Variants in CCDC171 observed in about 807,000 individuals in gnomAD.
CCDC171 encodes the protein coiled-coil domain-containing protein 171.
In CCDC171, 177 loss-of-function variants were observed where a neutral mutation model predicts 168.2. The ratio of observed to expected loss-of-function variants is 1.05; its 90% CI spans 0.93 to 1.19. The LOEUF is 1.19. CCDC171 is among the 50% of genes most tolerant of loss of function. CCDC171 has a pLI of 0.00. For missense variants in CCDC171, 1,991 were observed against 1,539.0 expected (o/e 1.29, Z -4.91); for synonymous variants, 687 against 540.8 (o/e 1.27, Z -3.75).
chr9:16,055,042 C>G (rs1266124864), intron 1 of CCDC171, among the ~76,000 whole-genome samples: 1 of 152,074 alleles, frequency 6.6e-6, no homozygotes, highest in Non-Finnish European at 1.5e-5. Context: ...GGCTGTCGGG[C>G]TGGTGGAGGT....
chr9:15,574,561 A>C (rs569328884), intron 3 of CCDC171, among the ~76,000 whole-genome samples: 1 of 152,148 alleles, frequency 6.6e-6, no homozygotes, highest in African/African-American at 2.4e-5. Flanking sequence ...TTACAGGTGT[A>C]AGCCATTGAG....
intron 25 of CCDC171, among the ~76,000 whole-genome samples, chr9:15,937,747 CT>C (rs1320910000): frequency 2.0e-5 from 3 of 151,900 alleles, no homozygotes; most frequent in African/African-American, 7.2e-5. Context: ...TAAATGATTT[CT>C]TTAAAAGGAA....
rs1196438036 is a variant in CCDC171, at chr9:15,874,572, G to A, written c.3509G>A (p.Arg1170Lys). 1 of 1,608,172 alleles carries A rather than the reference G, an allele frequency of 6.2e-7. No homozygotes were observed. Among genetic ancestry groups the A allele is most frequent in the Admixed American group, 1.7e-5 (1 of 59,248 alleles). Residue 1170 changes from arginine to lysine, a missense_variant, in exon 24 of 26, where the codon AGG becomes AAG. Transcript: ENST00000380701. ...TCGCTGTCATGGTCTGCGGCAAGTAGGAATGACTTCACCCTACAGCTACCC... is the reference window on the plus strand; with the variant it reads ...TCGCTGTCATGGTCTGCGGCAAGTAAGAATGACTTCACCCTACAGCTACCC... Reference protein sequence around the residue: ...QISLSWSAASRNDFTLQLPKL... With the variant: ...QISLSWSAASKNDFTLQLPKL...
intron 3 of CCDC171, among the ~76,000 whole-genome samples, chr9:15,992,142 G>C (rs1441719706): frequency 6.6e-6 from 1 of 152,148 alleles, no homozygotes; most frequent in Non-Finnish European, 1.5e-5. Context: ...GAGAATTTTA[G>C]ACCAATATCC....
intron 3 of CCDC171, among the ~76,000 whole-genome samples, chr9:15,990,191 A>G (rs528160946): frequency 7.0e-4 from 107 of 152,274 alleles, no homozygotes; most frequent in African/African-American, 1.6e-3. Context: ...AGGTCGGGTT[A>G]CCCACAAAGG....
intron 9 of CCDC171, among the ~76,000 whole-genome samples, chr9:15,667,514 C>T (rs1012910236): frequency 3.3e-5 from 5 of 151,888 alleles, no homozygotes; most frequent in South Asian, 4.2e-4. Context: ...GGTGTGGTGG[C>T]GGGCACCTGT....
At chr9:15,933,740 C>G (rs1397180516) in intron 25 of CCDC171, among the ~76,000 whole-genome samples, 1 of 151,808 alleles carries the variant, frequency 6.6e-6, no homozygotes, top group African/African-American at 2.4e-5. Context: ...TTTCTTTAAC[C>G]TTTACCTTGC....
chr9:15,779,384 G>T (rs1029786951), intron 20 of CCDC171, among the ~76,000 whole-genome samples: 1 of 151,752 alleles, frequency 6.6e-6, no homozygotes, highest in African/African-American at 2.4e-5. Context: ...TTTTGAGATG[G>T]AGTCTCACTC....
At chr9:15,869,371 C>G (rs1297199705) in intron 23 of CCDC171, among the ~76,000 whole-genome samples, 2 of 151,906 alleles carry the variant, frequency 1.3e-5, no homozygotes, top group African/African-American at 4.8e-5. Flanking sequence ...ATGCTTCCTC[C>G]TATCACTGGG....
At chr9:15,770,887 C>G (rs1306103635) in intron 18 of CCDC171, among the ~76,000 whole-genome samples, 1 of 152,144 alleles carries the variant, frequency 6.6e-6, no homozygotes, top group Non-Finnish European at 1.5e-5. Context: ...TTGATGATCT[C>G]TACGAGTATC....
chr9:15,810,536 G>A lies in CCDC171; in HGVS notation c.3267+25842G>A, dbSNP rs561680216. On this transcript the variant is annotated intron_variant, in intron 21 of 25. Coordinates refer to ENST00000380701, the MANE Select transcript of CCDC171 (RefSeq NM_173550.4). ...TCGGGCATGGCGGGCTGCAGGTCCC[G>A]AGCCCTGTCCTGTGAGGAGGCGGCT... 1.4e-4 allele frequency among the ~76,000 whole-genome samples: 21 copies of A among 152,150 alleles called. No individual in the cohort carries two copies. In the South Asian group the frequency reaches 3.3e-3, roughly 24 times the overall value.
intron 24 of CCDC171, among the ~76,000 whole-genome samples, chr9:15,878,374 AAACTC>A (rs1196878064): frequency 2.0e-5 from 3 of 152,180 alleles, no homozygotes; most frequent in Non-Finnish European, 4.4e-5. Flanking sequence ...ATGAAAAAAA[AAACTC>A]AACAACATTG....
intron 25 of CCDC171, among the ~76,000 whole-genome samples, chr9:15,935,318 T>C (rs760957079): frequency 6.6e-6 from 1 of 152,072 alleles, no homozygotes; most frequent in Non-Finnish European, 1.5e-5. Context: ...CAAACTTTAC[T>C]ATTGACTCAC....
At chr9:15,576,228 G>T (rs1587081881) in intron 3 of CCDC171, among the ~76,000 whole-genome samples, 1 of 151,574 alleles carries the variant, frequency 6.6e-6, no homozygotes, top group East Asian at 1.9e-4. Context: ...CTGTTGTCCA[G>T]GCTTGCATGC....
intron 3 of CCDC171, among the ~76,000 whole-genome samples, chr9:16,019,642 T>A (rs1435790618): frequency 6.6e-6 from 1 of 152,182 alleles, no homozygotes; most frequent in East Asian, 1.9e-4. Context: ...AAGGCTACAG[T>A]CTACAATTAC....
At chr9:15,669,234 T>C (rs1373527546) in intron 9 of CCDC171, among the ~76,000 whole-genome samples, 2 of 152,206 alleles carry the variant, frequency 1.3e-5, no homozygotes, top group Non-Finnish European at 2.9e-5. Flanking sequence ...AATTCTATAA[T>C]CAAAATTTCT....
chr9:16,012,565 G>A (rs1367615097), intron 3 of CCDC171, among the ~76,000 whole-genome samples: 2 of 148,116 alleles, frequency 1.4e-5, no homozygotes, highest in African/African-American at 2.5e-5. Context: ...ACTATAACCC[G>A]GATAATTTTT....
chr9:15,964,703 G>A (rs144728183), intron 25 of CCDC171, among the ~76,000 whole-genome samples: 99 of 152,264 alleles, frequency 6.5e-4, no homozygotes, highest in African/African-American at 2.2e-3. Context: ...GTCTTGTCAG[G>A]CACAAGGTAT....
At chr9:15,634,785 C>T (rs2046069505) in intron 7 of CCDC171, among the ~76,000 whole-genome samples, 1 of 152,184 alleles carries the variant, frequency 6.6e-6, no homozygotes, top group Admixed American at 6.5e-5. Context: ...AAACCCTGCT[C>T]ATTAGCCATC....
Sources: gnomAD v4.1 joint callset for allele counts (sites outside exome capture counted in the v4.1 genomes callset) on GRCh38, gnomAD v4.1.1 for gene constraint, MANE v1.5 for transcripts, NCBI Gene and HGNC (gene_info 2026-07-23, HGNC 2026-07-21) for gene names.